The following EHBP1 variants were observed in gnomAD, a reference collection of about 807,000 sequenced individuals.
The protein encoded by EHBP1 is EH domain-binding protein 1.
A neutral mutation model predicts 144.0 loss-of-function variants in EHBP1; 55 were observed. The ratio of observed to expected loss-of-function variants is 0.38; its 90% confidence interval spans 0.31 to 0.48. EHBP1 has a LOEUF of 0.48. EHBP1 is among the 20% of genes least tolerant of loss of function. EHBP1 has a pLI of 0.98. For synonymous variants in EHBP1, 469 were observed against 472.7 expected, an observed-to-expected ratio of 0.99 and a Z score of 0.10; for missense variants, 1,200 against 1,364.2, an observed-to-expected ratio of 0.88 and a Z score of 1.90.
chr2:62,946,801 T>C (rs2057098001), intron 12 of EHBP1, among the ~76,000 whole-genome samples: 1 of 152,150 alleles, frequency 6.6e-6, no homozygotes, highest in Non-Finnish European at 1.5e-5. Flanking sequence ...AGAAACCTAG[T>C]TTGTTTTTAA....
intron 5 of EHBP1, among the ~76,000 whole-genome samples, chr2:62,784,691 G>A (rs958110943): frequency 6.6e-6 from 1 of 152,116 alleles, no homozygotes; most frequent in South Asian, 2.1e-4. Context: ...CTTGGTAAAG[G>A]CACAGAGATA....
intron 3 of EHBP1, among the ~76,000 whole-genome samples, chr2:62,756,865 A>G (rs2040339171): frequency 1.3e-5 from 2 of 152,060 alleles, no homozygotes; most frequent in Non-Finnish European, 2.9e-5. Context: ...GAAACTATGA[A>G]GGAAATGATT....
chr2:62,712,200 C>G (rs2035212084), intron 2 of EHBP1, among the ~76,000 whole-genome samples: 1 of 152,112 alleles, frequency 6.6e-6, no homozygotes. Context: ...TAGGTAGAAG[C>G]AGGGACCATT....
intron 1 of EHBP1, among the ~76,000 whole-genome samples, chr2:62,675,258 A>G (rs542518834): frequency 6.6e-6 from 1 of 152,284 alleles, no homozygotes; most frequent in East Asian, 1.9e-4. Context: ...CCCTCCAGAT[A>G]AGGGTTAAAG....
chr2:62,990,949 A>G, intron 16 of EHBP1, 109 bp downstream of exon 16: 1 of 1,355,914 alleles, frequency 7.4e-7, no homozygotes, highest in Non-Finnish European at 9.9e-7. Flanking sequence ...CACCAATATT[A>G]AGATTAGGGT....
chr2:62,909,645 T>C (rs1558897149), intron 10 of EHBP1, among the ~76,000 whole-genome samples: 1 of 152,210 alleles, frequency 6.6e-6, no homozygotes, highest in African/African-American at 2.4e-5. Flanking sequence ...AAATGAACTG[T>C]GACCTGGTTC....
chr2:62,834,088 C>G (rs1204471979), intron 7 of EHBP1, among the ~76,000 whole-genome samples: 3 of 152,190 alleles, frequency 2.0e-5, no homozygotes, highest in Non-Finnish European at 4.4e-5. Flanking sequence ...CATGATAAAA[C>G]TTGAATGGAT....
chr2:62,994,565 T>C (rs1345056524), intron 18 of EHBP1, among the ~76,000 whole-genome samples: 1 of 152,114 alleles, frequency 6.6e-6, no homozygotes, highest in East Asian at 1.9e-4. Flanking sequence ...AAAGCTGCTT[T>C]TGATGGACAG....
intron 16 of EHBP1, among the ~76,000 whole-genome samples, chr2:62,992,238 T>C (rs977961783): frequency 1.3e-5 from 2 of 152,156 alleles, no homozygotes; most frequent in South Asian, 4.1e-4. Context: ...TGGATAGTTA[T>C]ATAACAGTAG....
chr2:62,734,120 T>C (rs887915777), intron 2 of EHBP1, among the ~76,000 whole-genome samples: 1 of 152,210 alleles, frequency 6.6e-6, no homozygotes, highest in Non-Finnish European at 1.5e-5. Flanking sequence ...TTGTCTTTCC[T>C]GTACCAGTGT....
intron 13 of EHBP1, among the ~76,000 whole-genome samples, chr2:62,953,844 C>A (rs1469596101): frequency 2.0e-5 from 3 of 151,830 alleles, no homozygotes; most frequent in South Asian, 2.1e-4. Context: ...TGATTTTGGT[C>A]TTAAGACCAA....
intron 5 of EHBP1, among the ~76,000 whole-genome samples, chr2:62,791,238 G>A (rs2043149889): frequency 1.3e-5 from 2 of 151,824 alleles, no homozygotes; most frequent in Non-Finnish European, 2.9e-5. Context: ...TGCTTTTTAT[G>A]CTTCTTCAAA....
chr2:62,984,147 A>T (rs1559024135), intron 15 of EHBP1, among the ~76,000 whole-genome samples: 1 of 152,096 alleles, frequency 6.6e-6, no homozygotes, highest in Non-Finnish European at 1.5e-5. Context: ...TAAGTGAGAA[A>T]TTTTTTTGGA....
chr2:62,997,244 T>A (rs1456429350), intron 19 of EHBP1, among the ~76,000 whole-genome samples: 1 of 152,094 alleles, frequency 6.6e-6, no homozygotes, highest in Admixed American at 6.6e-5. Flanking sequence ...AACAGGTTTT[T>A]AAAAGTCTGT....
chr2:62,901,614 C>T (rs2053422594), intron 10 of EHBP1, among the ~76,000 whole-genome samples: 1 of 151,688 alleles, frequency 6.6e-6, no homozygotes, highest in African/African-American at 2.4e-5. Flanking sequence ...AGAATAGATC[C>T]TCTGAGTTAA....
intron 2 of EHBP1, among the ~76,000 whole-genome samples, chr2:62,724,879 G>A (rs750363206): frequency 6.6e-5 from 10 of 152,204 alleles, no homozygotes; most frequent in Non-Finnish European, 1.3e-4. Context: ...TGCAAGGGAT[G>A]TAACTTGTAT....
At chr2:62,687,531 G>A (rs1182880220) in intron 1 of EHBP1, among the ~76,000 whole-genome samples, 8 of 152,108 alleles carry the variant, frequency 5.3e-5, no homozygotes, top group Admixed American at 5.2e-4. Context: ...AAACTGTTTA[G>A]GAATTCCAAG....
At chr2:62,692,321 A>G (rs1322330307) in intron 1 of EHBP1, among the ~76,000 whole-genome samples, 1 of 152,220 alleles carries the variant, frequency 6.6e-6, no homozygotes, top group Non-Finnish European at 1.5e-5. Context: ...ATTATTATGA[A>G]TAAAGCCACT....
At chr2:62,673,883 C>A in exon 1 of EHBP1, 1 of 380,408 alleles carries the variant, frequency 2.6e-6, no homozygotes. Context: ...TGGGTAACAT[C>A]TGACTCTCCC....
Sources: gnomAD v4.1 joint callset for allele counts (sites outside exome capture counted in the v4.1 genomes callset) on GRCh38, gnomAD v4.1.1 for gene constraint, MANE v1.5 for transcripts, NCBI Gene and HGNC (gene_info 2026-07-23, HGNC 2026-07-21) for gene names.